NINL: variants seen among roughly 807,000 people sequenced by gnomAD.
NINL encodes ninein-like protein.
NINL carries 153 observed loss-of-function variants against 160.3 expected under a neutral mutation model. The observed-to-expected ratio is 0.95, with a 90% CI of 0.84 to 1.09. NINL has a LOEUF of 1.09. Ranked by LOEUF, NINL falls within the 50% of genes least tolerant of loss-of-function variation. The pLI is 0.00. For synonymous variants in NINL, 800 were observed against 734.8 expected (o/e 1.09, Z -1.43); for missense variants, 1,829 against 1,764.0 (o/e 1.04, Z -0.66).
chr20:25,584,036 T>C (rs752399052), intron 1 of NINL, among the ~76,000 whole-genome samples: 1 of 152,092 alleles, frequency 6.6e-6, no homozygotes, highest in African/African-American at 2.4e-5. Context: ...CTAATGTATG[T>C]GGGGCTTAAA....
chr20:25,570,248 T>C (rs1262223535), intron 1 of NINL, among the ~76,000 whole-genome samples: 1 of 152,132 alleles, frequency 6.6e-6, no homozygotes, highest in African/African-American at 2.4e-5. Flanking sequence ...TGGATCTGTG[T>C]CCTTGCCCAA....
intron 18 of NINL, among the ~76,000 whole-genome samples, chr20:25,468,791 C>A (rs1401249340): frequency 7.0e-6 from 1 of 142,544 alleles, no homozygotes; most frequent in Non-Finnish European, 1.5e-5. Flanking sequence ...TTGCCCTGTC[C>A]CCCTGACTCT....
chr20:25,461,800 G>A (rs773502599), intron 20 of NINL, among the ~76,000 whole-genome samples, 165 bp from the exon 21 acceptor site: 34 of 151,938 alleles, frequency 2.2e-4, no homozygotes, highest in Non-Finnish European at 4.1e-4. Flanking sequence ...GTCACTCCCC[G>A]GCCCCTCCTC....
In NINL at chr20:25,530,592, G is replaced by A. The variant is rs555379914; in HGVS notation, c.-11-3994C>T. Among the ~76,000 whole-genome samples the A allele has an allele frequency of 2.0e-5, 3 of 152,096 alleles. No individual in the cohort carries two copies. In the South Asian group the frequency reaches 6.2e-4, roughly 32 times the overall value. On this transcript the variant is annotated intron_variant, in intron 1 of 23. Transcript: ENST00000278886. ...TTCTTTTCTATTTTCCCTAAGCATC[G>A]GCCGGTTTGAGAAATAAAGGGACAG...
At position 25,455,699 on chromosome 20, in the gene NINL, C is replaced by T. The variant is rs780103674; in HGVS notation, c.3931G>A (p.Glu1311Lys). ...TGCTCCTTCAGCTTATCCACTTTCTCTTGGAGGAGCATTTCCATATTCTTC... is the reference window on the plus strand; with the variant it reads ...TGCTCCTTCAGCTTATCCACTTTCTTTTGGAGGAGCATTTCCATATTCTTC... ...ILKNMEMLLQ[E>K]KVDKLKEQFE... The change falls in exon 23 of 24, where the codon GAG (glutamate) becomes AAG (lysine). Residue 1311 changes from glutamate (E) to lysine (K), a missense_variant. Coordinates refer to ENST00000278886, the MANE Select transcript of NINL (RefSeq NM_025176.6). 6 of 1,614,090 alleles carry T rather than the reference C, an allele frequency of 3.7e-6. No individual in the cohort carries two copies. The highest frequency in any genetic ancestry group is 5.1e-6 in the Non-Finnish European group (6 of 1,179,926).
At chr20:25,536,517 C>G (rs2064558906) in intron 1 of NINL, among the ~76,000 whole-genome samples, 1 of 152,182 alleles carries the variant, frequency 6.6e-6, no homozygotes, top group Admixed American at 6.5e-5. Flanking sequence ...TCAAGACCAG[C>G]CTGGCCAACA....
At chr20:25,551,170 C>T (rs1430788471) in intron 1 of NINL, among the ~76,000 whole-genome samples, 1 of 141,578 alleles carries the variant, frequency 7.1e-6, no homozygotes. Context: ...TGAGTCAATA[C>T]AGCACATGTT....
chr20:25,552,454 T>TA (rs957893264), intron 1 of NINL, among the ~76,000 whole-genome samples: 11 of 151,982 alleles, frequency 7.2e-5, no homozygotes, highest in Non-Finnish European at 1.3e-4. Context: ...ATAAATCTAC[T>TA]AAAAAAAATA....
intron 18 of NINL, among the ~76,000 whole-genome samples, chr20:25,468,395 C>T (rs1015404843): frequency 9.9e-5 from 15 of 150,770 alleles, no homozygotes; most frequent in East Asian, 3.9e-4. Flanking sequence ...CTCTGTCCCC[C>T]GACTCTCACT....
chr20:25,528,616 T>G (rs1360811208), intron 1 of NINL, among the ~76,000 whole-genome samples: 1 of 152,174 alleles, frequency 6.6e-6, no homozygotes, highest in Non-Finnish European at 1.5e-5. Flanking sequence ...CTCAAAAATT[T>G]TAGAACAAGT....
chr20:25,512,608 C>G (rs1382722126), intron 4 of NINL, among the ~76,000 whole-genome samples: 3 of 152,180 alleles, frequency 2.0e-5, no homozygotes, highest in Non-Finnish European at 4.4e-5. Flanking sequence ...CTCTATTGCA[C>G]TAATTCAGGA....
chr20:25,511,964 C>A lies in NINL; in HGVS notation c.450+870G>T, dbSNP rs547761724. 5.9e-5 allele frequency among the ~76,000 whole-genome samples: 9 copies of A among 152,298 alleles called. 1 individual carries two copies. The highest frequency in any genetic ancestry group is 2.2e-4 in the African/African-American group (9 of 41,556). On this transcript the variant is annotated intron_variant, in intron 4 of 23. Coordinates refer to ENST00000278886, the MANE Select transcript of NINL (RefSeq NM_025176.6). ...GAGCACAGAGAGCAGGAACCAGGAA[C>A]CTTTTGGAATCCTTGAAAATGGTTC...
chr20:25,532,437 G>A (rs2064481460), intron 1 of NINL, among the ~76,000 whole-genome samples: 1 of 152,250 alleles, frequency 6.6e-6, no homozygotes, highest in Non-Finnish European at 1.5e-5. Flanking sequence ...CATGGCATAG[G>A]CAGTAGGGGG....
Position 25,481,979 on chromosome 20 carries a change from A to C in NINL, c.1799T>G (p.Leu600Arg), listed in dbSNP as rs774473989. Residue 600 changes from leucine to arginine, a missense_variant, in exon 14 of 24, where the codon CTC becomes CGC. Coordinates refer to ENST00000278886, the MANE Select transcript of NINL (RefSeq NM_025176.6). ...PDGRRRQLPG[L>R]GPAGISFLGN... ...GGACGGGCTCCTACCTGCTGGGCCG[A>C]GTCCAGGGAGCTGCCGTCTGCGCCC... is the stretch of plus-strand genomic sequence containing the variant. The C allele has an allele frequency of 5.2e-5, 83 of 1,597,168 alleles. No individual in the cohort carries two copies. The highest frequency in any genetic ancestry group is 7.0e-5 in the Non-Finnish European group (83 of 1,178,718).
chr20:25,459,727 G>A (rs150732141), intron 21 of NINL, among the ~76,000 whole-genome samples: 21 of 152,184 alleles, frequency 1.4e-4, no homozygotes, highest in East Asian at 5.8e-4. Context: ...TAATTAAGCC[G>A]CTCCACAGCA....
In NINL at chr20:25,479,074, C is replaced by T. The variant is rs201963348; in HGVS notation, c.2050G>A (p.Glu684Lys). Reference sequence around the variant, plus strand: ...CCCCAGATGACCTCCTGAGACTTCTCGTGGAGCTCCTCCAGGTCGGCCTTC... The same window carrying T: ...CCCCAGATGACCTCCTGAGACTTCTTGTGGAGCTCCTCCAGGTCGGCCTTC... The part of the protein sequence containing the change: ...GQKADLEELH[E>K]KSQEVIWGLQ... Residue 684 changes from glutamate to lysine, a missense_variant, in exon 16 of 24, where the codon GAG becomes AAG. Glu to Lys is a moderately conservative substitution (Grantham distance 56). Coordinates refer to ENST00000278886, the MANE Select transcript of NINL (RefSeq NM_025176.6). The T allele has an allele frequency of 5.3e-5, 86 of 1,612,916 alleles. No individual in the cohort carries two copies. The highest frequency in any genetic ancestry group is 1.5e-4 in the Admixed American group (9 of 60,006).
chr20:25,509,670 C>T (rs1243075652), intron 5 of NINL: 2 of 456,770 alleles, frequency 4.4e-6, no homozygotes, highest in Non-Finnish European at 8.8e-6. Flanking sequence ...TCACACCCAC[C>T]TTTCTGTGGG....
intron 1 of NINL, among the ~76,000 whole-genome samples, chr20:25,534,744 A>C (rs2064527853): frequency 6.6e-6 from 1 of 152,224 alleles, no homozygotes; most frequent in East Asian, 1.9e-4. Context: ...GGGTGGTTCC[A>C]GGACCTCTCA....
In NINL at chr20:25,504,907, A is replaced by G. The variant is rs1164624146; in HGVS notation, c.689T>C (p.Leu230Pro). ...CCTCACCTCTTTCTCGAGTCCCTGGAGCCCGACGCTCTGGCAGACCACAGC... is the reference window on the plus strand; with the variant it reads ...CCTCACCTCTTTCTCGAGTCCCTGGGGCCCGACGCTCTGGCAGACCACAGC... ...ELAVVCQSVG[L>P]QGLEKEELED... Residue 230 changes from leucine (L) to proline (P), a missense_variant, in exon 6 of 24, where the codon CTC becomes CCC. Transcript: ENST00000278886. 1 of 1,611,510 alleles carries G rather than the reference A, an allele frequency of 6.2e-7. No homozygotes were observed. The highest frequency in any genetic ancestry group is 8.5e-7 in the Non-Finnish European group (1 of 1,179,902).
Sources: allele counts gnomAD v4.1 joint callset (sites outside exome capture counted in the v4.1 genomes callset), GRCh38; gene constraint gnomAD v4.1.1; transcripts MANE v1.5; gene names NCBI Gene and HGNC (gene_info 2026-07-23, HGNC 2026-07-21).